The following SULT1C3 variants were observed in gnomAD, a reference collection of about 807,000 sequenced individuals.
The protein encoded by SULT1C3 is sulfotransferase family 1C member 3.
Under a neutral mutation model 28.4 loss-of-function variants are expected in SULT1C3, and 31 were observed. The observed-to-expected ratio is 1.09, with a 90% CI of 0.82 to 1.47. SULT1C3 has a LOEUF of 1.47. Ranked by LOEUF, SULT1C3 falls within the 40% of genes most tolerant of loss-of-function variation. The pLI, the probability that SULT1C3 is intolerant of heterozygous loss-of-function variation, is 0.00. For missense variants in SULT1C3, 307 were observed against 272.5 expected, an observed-to-expected ratio of 1.13 and a Z score of -0.89; for synonymous variants, 106 against 92.2, an observed-to-expected ratio of 1.15 and a Z score of -0.86.
At chr2:108,243,576 A>C (rs2104381590) in intron 1 of SULT1C3, among the ~76,000 whole-genome samples, 1 of 151,400 alleles carries the variant, frequency 6.6e-6, no homozygotes, top group South Asian at 2.1e-4. Context: ...GCTTGCAGTG[A>C]GCTGAGATTG....
At chr2:108,265,069 T>C, downstream of SULT1C3, 2 of 1,522,286 alleles carry the variant, frequency 1.3e-6, no homozygotes, top group Non-Finnish European at 1.8e-6. Context: ...TCTGCTTAGA[T>C]TTTCCAGTAA....
At chr2:108,259,727 T>C (rs1421658372) in intron 7 of SULT1C3, among the ~76,000 whole-genome samples, 1 of 152,088 alleles carries the variant, frequency 6.6e-6, no homozygotes, top group Non-Finnish European at 1.5e-5. Context: ...AGTAATGGCC[T>C]GTTGTGTGAG....
intron 5 of SULT1C3, among the ~76,000 whole-genome samples, chr2:108,256,395 A>T (rs896431029): frequency 2.5e-4 from 38 of 152,134 alleles, no homozygotes; most frequent in African/African-American, 8.9e-4. Flanking sequence ...GTGATTTAGG[A>T]TGTAAGGACC....
intron 1 of SULT1C3, among the ~76,000 whole-genome samples, chr2:108,243,637 A>G (rs1216938029): frequency 6.6e-6 from 1 of 151,796 alleles, no homozygotes; most frequent in Non-Finnish European, 1.5e-5. Context: ...TCTCAAAAAA[A>G]AAAAAAAAGA....
In SULT1C3 at chr2:108,247,372, G is replaced by A. The variant is rs111787601; in HGVS notation, c.172+6G>A. The stretch of plus-strand genomic sequence containing the variant: ...GGCAACTTACCCAAAGTCAGGTAAG[G>A]GTAGCAAAACATAAAAATATTCAAT... On this transcript the variant is annotated splice_donor_region_variant and intron_variant, in intron 2 of 7. Coordinates refer to ENST00000681802, the MANE Select transcript of SULT1C3 (RefSeq NM_001320878.2). The A allele has an allele frequency of 3.3e-6, 5 of 1,525,134 alleles. No homozygotes were observed. Among genetic ancestry groups the A allele is most frequent in the African/African-American group, 1.4e-5 (1 of 71,190 alleles). 94.5% of individuals were successfully genotyped at this position (1,525,134 alleles called of 1,614,324 possible).
chr2:108,246,663 G>A (rs1369035047), intron 1 of SULT1C3, among the ~76,000 whole-genome samples: 1 of 152,074 alleles, frequency 6.6e-6, no homozygotes, highest in Admixed American at 6.6e-5. Flanking sequence ...AAAACTACAT[G>A]AAATTATGTT....
chr2:108,255,709 A>G lies in SULT1C3; in HGVS notation c.526+11A>G, dbSNP rs772143347. 1 of 1,607,914 alleles carries G rather than the reference A, an allele frequency of 6.2e-7. No individual in the cohort carries two copies. ...TCATGTCCGGAAAAGGTGAGTTCAA[A>G]CTGATCTTTTTGGTACCCTCTTTCA... On this transcript the variant is annotated intron_variant, in intron 5 of 7. Transcript: ENST00000681802.
rs117613467 is a variant in SULT1C3 at position 108,251,273 on chromosome 2, C to G, written c.173-1092C>G. ...GGATTAGAAAATAAGCAATTTGAAA[C>G]CCACAATAAAAATTAGGTAAAGTAG... On this transcript the variant is annotated intron_variant, in intron 2 of 7. Coordinates refer to ENST00000681802, the MANE Select transcript of SULT1C3 (RefSeq NM_001320878.2). Among the ~76,000 whole-genome samples, 434 of 151,882 alleles carry G rather than the reference C, an allele frequency of 2.9e-3. 7 individuals carry two copies. The East Asian group carries it at 0.029, about 10-fold the overall frequency.
At chr2:108,252,757 C>T (rs575497229) in intron 3 of SULT1C3, among the ~76,000 whole-genome samples, 1 of 152,132 alleles carries the variant, frequency 6.6e-6, no homozygotes, top group African/African-American at 2.4e-5. Context: ...AGAAGACTCC[C>T]TCTGCTTTGT....
chr2:108,251,527 C>G (rs2104387079), intron 2 of SULT1C3, among the ~76,000 whole-genome samples: 2 of 152,038 alleles, frequency 1.3e-5, no homozygotes, highest in South Asian at 4.2e-4. Context: ...GCAAGAAGTA[C>G]CAAGCACTGC....
At chr2:108,240,844 G>A (rs1007340330) in intron 1 of SULT1C3, among the ~76,000 whole-genome samples, 1 of 152,232 alleles carries the variant, frequency 6.6e-6, no homozygotes, top group Non-Finnish European at 1.5e-5. Flanking sequence ...AAGACCATGT[G>A]TGCTGTGGGT....
intron 1 of SULT1C3, among the ~76,000 whole-genome samples, chr2:108,240,491 C>T (rs1462144082): frequency 6.6e-6 from 1 of 152,020 alleles, no homozygotes; most frequent in Non-Finnish European, 1.5e-5. Context: ...ATAGAATTTC[C>T]CTTTGGGGGT....
intron 4 of SULT1C3, 75 bp downstream of exon 4, chr2:108,253,517 T>C (rs1406087842): frequency 1.4e-6 from 1 of 738,132 alleles, no homozygotes; most frequent in African/African-American, 1.8e-5. Flanking sequence ...TCTTTCAAAA[T>C]AATATACTTT....
At chr2:108,245,610 C>A (rs1015078780) in intron 1 of SULT1C3, among the ~76,000 whole-genome samples, 1 of 152,128 alleles carries the variant, frequency 6.6e-6, no homozygotes, top group Non-Finnish European at 1.5e-5. Context: ...AGCTAGGAAG[C>A]AGGGTAACAA....
chr2:108,262,371 A>C (rs544621989), downstream of SULT1C3, among the ~76,000 whole-genome samples: 58 of 152,310 alleles, frequency 3.8e-4, no homozygotes, highest in Non-Finnish European at 7.1e-4. Flanking sequence ...CTAATTGAAA[A>C]GCAATTGAAT....
At chr2:108,254,549 A>T (rs1195779225) in intron 4 of SULT1C3, among the ~76,000 whole-genome samples, 1 of 151,820 alleles carries the variant, frequency 6.6e-6, no homozygotes, top group African/African-American at 2.4e-5. Flanking sequence ...CAGGGACTTG[A>T]TCGTGCCCAA....
intron 1 of SULT1C3, among the ~76,000 whole-genome samples, chr2:108,241,836 A>T (rs1263037285): frequency 6.6e-6 from 1 of 151,394 alleles, no homozygotes; most frequent in Non-Finnish European, 1.5e-5. Flanking sequence ...CTGAGGCAGG[A>T]GAATGGCATG....
At chr2:108,259,804 CT>C (rs2104393265) in intron 7 of SULT1C3, among the ~76,000 whole-genome samples, 1 of 152,140 alleles carries the variant, frequency 6.6e-6, no homozygotes, top group South Asian at 2.1e-4. Context: ...GCAAAAATAG[CT>C]GCAAAAAGTT....
At chr2:108,242,367 T>A (rs1219709532) in intron 1 of SULT1C3, among the ~76,000 whole-genome samples, 1 of 152,214 alleles carries the variant, frequency 6.6e-6, no homozygotes, top group Non-Finnish European at 1.5e-5. Context: ...AGTTTTTTAA[T>A]TGGATTACTG....
Sources: gnomAD v4.1 joint callset for allele counts (sites outside exome capture counted in the v4.1 genomes callset) on GRCh38, gnomAD v4.1.1 for gene constraint, MANE v1.5 for transcripts, NCBI Gene and HGNC (gene_info 2026-07-23, HGNC 2026-07-21) for gene names.